COL11A1: variants seen among roughly 807,000 people sequenced by gnomAD.
COL11A1 encodes the protein collagen alpha-1(XI) chain.
COL11A1 carries 74 observed loss-of-function variants against 265.2 expected under a neutral mutation model. The observed-to-expected ratio is 0.28, with a 90% CI of 0.23 to 0.34. The LOEUF (loss-of-function observed/expected upper bound fraction) is 0.34, where lower values mean the gene tolerates loss of function less well. Among genes scored for constraint, COL11A1 ranks in the 10% least tolerant of loss-of-function variants. The pLI, the probability that COL11A1 is intolerant of heterozygous loss-of-function variation, is 1.00. For synonymous variants in COL11A1, 816 were observed against 727.6 expected (o/e 1.12, Z -1.96); for missense variants, 2,165 against 2,263.6 (o/e 0.96, Z 0.88).
chr1:102,931,952 T>C (rs1298701621), intron 46 of COL11A1, among the ~76,000 whole-genome samples: 1 of 151,226 alleles, frequency 6.6e-6, no homozygotes, highest in East Asian at 1.9e-4. Context: ...TTGGTAGATC[T>C]TCCTCCATCC....
At chr1:103,071,473 T>C (rs948499613) in intron 4 of COL11A1, among the ~76,000 whole-genome samples, 16 of 133,350 alleles carry the variant, frequency 1.2e-4, no homozygotes, top group Non-Finnish European at 2.2e-4. Flanking sequence ...AGGACTTTTT[T>C]TTTTTTTTTT....
intron 15 of COL11A1, 79 bp from the exon 16 acceptor site, chr1:103,006,394 C>T: frequency 1.9e-6 from 2 of 1,069,934 alleles, no homozygotes; most frequent in Non-Finnish European, 2.7e-6. Context: ...GAGATGGTTT[C>T]AGAAACTAAT....
chr1:102,993,981 C>T (rs11809524), intron 28 of COL11A1, among the ~76,000 whole-genome samples: 111,855 of 152,146 alleles, frequency 0.74, 43,650 homozygotes, highest in East Asian at 0.92. Context: ...CTGAGATTAC[C>T]GTTAAGTAGG....
At chr1:103,074,931 A>G (rs1245686964) in intron 3 of COL11A1, 151 bp from the exon 4 acceptor site, 1 of 888,404 alleles carries the variant, frequency 1.1e-6, no homozygotes, top group African/African-American at 1.7e-5. Context: ...GCCAGTTAAC[A>G]GATGACTACT....
intron 54 of COL11A1, among the ~76,000 whole-genome samples, chr1:102,904,616 A>T (rs1460996167): frequency 2.6e-5 from 4 of 151,102 alleles, no homozygotes; most frequent in African/African-American, 9.9e-5. Flanking sequence ...CAAAAAACAC[A>T]TGAAAAAATG....
chr1:102,890,145 G>T (rs1297526479), intron 58 of COL11A1, among the ~76,000 whole-genome samples: 1 of 152,032 alleles, frequency 6.6e-6, no homozygotes, highest in Non-Finnish European at 1.5e-5. Context: ...CATAAAAATA[G>T]ATATTTTGTT....
chr1:102,931,556 A>C (rs144915412), intron 46 of COL11A1, among the ~76,000 whole-genome samples: 4,985 of 152,170 alleles, frequency 0.033, 105 homozygotes, highest in Middle Eastern at 0.085. Flanking sequence ...GTGCTGAAAA[A>C]AATGTATATT....
At chr1:102,910,917 T>G (rs1312862653) in intron 54 of COL11A1, among the ~76,000 whole-genome samples, 1 of 152,150 alleles carries the variant, frequency 6.6e-6, no homozygotes, top group Non-Finnish European at 1.5e-5. Context: ...CAAGAAGTAT[T>G]TCAACTCATT....
chr1:103,000,070 A>G (rs1664972343), intron 24 of COL11A1, among the ~76,000 whole-genome samples: 1 of 151,912 alleles, frequency 6.6e-6, no homozygotes, highest in Non-Finnish European at 1.5e-5. Flanking sequence ...TATACATTTT[A>G]TCTGGCTTGG....
At chr1:103,060,322 C>G (rs1241438490) in intron 4 of COL11A1, among the ~76,000 whole-genome samples, 2 of 152,100 alleles carry the variant, frequency 1.3e-5, no homozygotes, top group Admixed American at 1.3e-4. Context: ...GAATTTGCTG[C>G]CAGTAGGCCT....
chr1:103,009,480 A>G (rs1300095389), intron 14 of COL11A1, among the ~76,000 whole-genome samples: 1 of 152,168 alleles, frequency 6.6e-6, no homozygotes, highest in South Asian at 2.1e-4. Flanking sequence ...ATGTGTACTA[A>G]AATAAATAAA....
At chr1:103,013,667 T>C (rs1666315398) in intron 13 of COL11A1, among the ~76,000 whole-genome samples, 1 of 151,920 alleles carries the variant, frequency 6.6e-6, no homozygotes, top group South Asian at 2.1e-4. Flanking sequence ...ACTCATGTTT[T>C]CAGATATTTT....
rs1763344 is a variant in COL11A1, at chr1:102,898,840, C to T, written c.4141-67G>A. On this transcript the variant is annotated intron_variant, in intron 55 of 66. Coordinates refer to ENST00000370096, the MANE Select transcript of COL11A1 (RefSeq NM_001854.4). ...AATACTTTTATTATTTTATTAAATG[C>T]ACTGAAAAAAGTAGATCAGTTTATG... 101,501 of 1,467,532 alleles carry T rather than the reference C, an allele frequency of 0.069. 4,175 individuals carry two copies. Among genetic ancestry groups the T allele is most frequent in the African/African-American group, 0.13 (9,433 of 70,838 alleles). The allele number at this position is 1,467,532 out of a possible 1,614,324, so 90.9% of individuals were successfully genotyped here. A position where few individuals can be genotyped will look rare whatever the true frequency, so the allele number is the denominator to read the frequency against.
chr1:102,888,984 C>T (rs150545115), intron 59 of COL11A1, 65 bp from the exon 60 acceptor site: 5 of 1,456,358 alleles, frequency 3.4e-6, no homozygotes, highest in African/African-American at 2.8e-5. Flanking sequence ...GTTTTCATAA[C>T]TTTTCAATAT....
intron 64 of COL11A1, 60 bp downstream of exon 64, chr1:102,883,138 CA>C: frequency 9.1e-7 from 1 of 1,094,064 alleles, no homozygotes; most frequent in South Asian, 1.2e-5. Flanking sequence ...CTGTTTAGTT[CA>C]ATATTGCAAA....
chr1:102,929,403 G>T lies in COL11A1; in HGVS notation c.3600+5046C>A, dbSNP rs552753504. Among the ~76,000 whole-genome samples, 14 of 152,092 alleles carry T rather than the reference G, an allele frequency of 9.2e-5. No individual in the cohort carries two copies. In the South Asian group the frequency reaches 2.9e-3, roughly 32 times the overall value. ...GTTTGTCAAAGAACAGATAGTTGTA[G>T]ATATGCGGCATTATTTCTGAGGGCT... On this transcript the variant is annotated intron_variant, in intron 46 of 66. Coordinates refer to ENST00000370096, the MANE Select transcript of COL11A1 (RefSeq NM_001854.4).
chr1:102,985,979 G>T (rs1663502102), intron 30 of COL11A1, among the ~76,000 whole-genome samples: 3 of 152,046 alleles, frequency 2.0e-5, no homozygotes, highest in Admixed American at 2.0e-4. Flanking sequence ...AACCCGATAA[G>T]AACTGTCACA....
intron 3 of COL11A1, among the ~76,000 whole-genome samples, chr1:103,078,176 C>T (rs1052655043): frequency 1.3e-5 from 2 of 152,076 alleles, no homozygotes; most frequent in Non-Finnish European, 2.9e-5. Context: ...TCTGCTTCTC[C>T]ATCCTCATCA....
At chr1:103,101,997 C>T (rs945929785) in intron 1 of COL11A1, among the ~76,000 whole-genome samples, 1 of 152,038 alleles carries the variant, frequency 6.6e-6, no homozygotes, top group Non-Finnish European at 1.5e-5. Flanking sequence ...TAAAGAACCA[C>T]TAGCCAAGTT....
Sources: gnomAD v4.1 joint callset for allele counts (sites outside exome capture counted in the v4.1 genomes callset) on GRCh38, gnomAD v4.1.1 for gene constraint, MANE v1.5 for transcripts, NCBI Gene and HGNC (gene_info 2026-07-23, HGNC 2026-07-21) for gene names.